Variants in KIF26B observed in about 807,000 individuals in gnomAD.
The protein encoded by KIF26B is kinesin family member 26B.
Under a neutral mutation model 151.2 loss-of-function variants are expected in KIF26B, and 63 were observed. The observed-to-expected ratio is 0.42, with a 90% CI of 0.34 to 0.51. The LOEUF (loss-of-function observed/expected upper bound fraction) is 0.51, where lower values mean the gene tolerates loss of function less well. Among genes scored for constraint, KIF26B ranks in the 20% least tolerant of loss-of-function variants. The pLI is 0.07. For missense variants in KIF26B, 2,813 were observed against 2,913.6 expected (o/e 0.97, Z 0.79); for synonymous variants, 1,357 against 1,262.1 (o/e 1.08, Z -1.59).
rs72762888 is a variant in KIF26B at position 245,606,114 on chromosome 1, A to T, written c.1558-1537A>T. Among the ~76,000 whole-genome samples, 1 of 151,962 alleles carries T rather than the reference A, an allele frequency of 6.6e-6. No individual in the cohort carries two copies. Among genetic ancestry groups the T allele is most frequent in the Non-Finnish European group, 1.5e-5 (1 of 68,002 alleles). On this transcript the variant is annotated intron_variant, in intron 6 of 14. Transcript: ENST00000407071. The surrounding 1 kb of genome is among the most constrained non-coding windows in gnomAD (Gnocchi z 4.6). ...GTTAGCACTGGGCTCTCCTTGCCTAAGTCCTGGGGGGTTTGAAAGATCCTG... is the reference window on the plus strand; with the variant it reads ...GTTAGCACTGGGCTCTCCTTGCCTATGTCCTGGGGGGTTTGAAAGATCCTG...
At chr1:245,307,289 C>T (rs776379998) in intron 2 of KIF26B, among the ~76,000 whole-genome samples, 8 of 152,090 alleles carry the variant, frequency 5.3e-5, no homozygotes, top group South Asian at 4.1e-4. Context: ...GGGACTAGGA[C>T]GCCAGAAGCT....
At chr1:245,175,204 C>G (rs1251821047) in intron 2 of KIF26B, among the ~76,000 whole-genome samples, 1 of 152,132 alleles carries the variant, frequency 6.6e-6, no homozygotes, top group Non-Finnish European at 1.5e-5. Flanking sequence ...AGCATAGTGA[C>G]CCAGAGGTGA....
chr1:245,323,204 A>G (rs1671921096), intron 2 of KIF26B, among the ~76,000 whole-genome samples: 1 of 152,180 alleles, frequency 6.6e-6, no homozygotes, highest in Non-Finnish European at 1.5e-5. Flanking sequence ...ATTTGTGTAG[A>G]TATGTGTGGT....
intron 2 of KIF26B, among the ~76,000 whole-genome samples, chr1:245,193,797 T>C (rs1041959341): frequency 6.6e-6 from 1 of 152,212 alleles, no homozygotes; most frequent in Non-Finnish European, 1.5e-5. Context: ...TTATGACAAC[T>C]TACTTGTTCT....
intron 2 of KIF26B, among the ~76,000 whole-genome samples, chr1:245,287,892 CT>C (rs1323887140): frequency 6.6e-6 from 1 of 151,710 alleles, no homozygotes; most frequent in Admixed American, 6.6e-5. Flanking sequence ...GTGACAACTC[CT>C]TTCCATCTTT....
intron 2 of KIF26B, among the ~76,000 whole-genome samples, chr1:245,229,899 C>T (rs1669956466): frequency 6.6e-6 from 1 of 152,150 alleles, no homozygotes; most frequent in Non-Finnish European, 1.5e-5. Flanking sequence ...CTTTGGGAGG[C>T]CGAGGTGGGC....
intron 4 of KIF26B, among the ~76,000 whole-genome samples, chr1:245,423,404 C>T (rs1291593502): frequency 2.6e-5 from 4 of 152,042 alleles, no homozygotes; most frequent in African/African-American, 4.8e-5. Flanking sequence ...AATCCATCCT[C>T]GTTTCCTCTC....
chr1:245,182,950 C>G (rs2103528432), intron 2 of KIF26B, among the ~76,000 whole-genome samples: 1 of 152,308 alleles, frequency 6.6e-6, no homozygotes, highest in East Asian at 1.9e-4. Flanking sequence ...TGAGAAACTT[C>G]CAAACTCTTT....
intron 4 of KIF26B, among the ~76,000 whole-genome samples, chr1:245,430,073 T>TA (rs1658742396): frequency 3.3e-5 from 5 of 152,344 alleles, no homozygotes; most frequent in Admixed American, 3.3e-4. Context: ...ATACTCACAG[T>TA]GGACATTAAC....
intron 2 of KIF26B, among the ~76,000 whole-genome samples, chr1:245,350,572 G>T (rs60937532): frequency 0.036 from 5,454 of 152,206 alleles, 292 homozygotes; most frequent in African/African-American, 0.12. Context: ...GGTAGACTCT[G>T]GTCTACCATA....
At chr1:245,637,572 C>T in intron 9 of KIF26B, among the ~76,000 whole-genome samples, 1 of 151,632 alleles carries the variant, frequency 6.6e-6, no homozygotes, top group South Asian at 2.1e-4. Context: ...GAGGTCTTAC[C>T]CCAAAAATAT....
intron 4 of KIF26B, among the ~76,000 whole-genome samples, chr1:245,507,862 CT>C (rs1462653645): frequency 6.6e-6 from 1 of 152,170 alleles, no homozygotes; most frequent in East Asian, 1.9e-4. Context: ...CTTGCGATGG[CT>C]TTCTCCTGTG....
intron 2 of KIF26B, among the ~76,000 whole-genome samples, chr1:245,234,765 C>G (rs1036889868): frequency 6.6e-6 from 1 of 152,200 alleles, no homozygotes; most frequent in Non-Finnish European, 1.5e-5. Flanking sequence ...TTTTGACTTG[C>G]GTGAGCTCAG....
chr1:245,338,314 A>G lies in KIF26B; in HGVS notation c.466-28520A>G, dbSNP rs558346131. Reference sequence around the variant, plus strand: ...GCCAGCCTGCTGCTTGTTTTTGTAAATAAAGTTTTATTGGAAACAACCATG... The same window carrying G: ...GCCAGCCTGCTGCTTGTTTTTGTAAGTAAAGTTTTATTGGAAACAACCATG... On this transcript the variant is annotated intron_variant, in intron 2 of 14. Coordinates refer to ENST00000407071, the MANE Select transcript of KIF26B (RefSeq NM_018012.4). Among the ~76,000 whole-genome samples the G allele has an allele frequency of 2.2e-4, 33 of 152,294 alleles. No individual in the cohort carries two copies. The Middle Eastern group carries it at 0.014, about 63-fold the overall frequency.
At chr1:245,574,293 G>A (rs1291731749) in intron 5 of KIF26B, among the ~76,000 whole-genome samples, 1 of 152,118 alleles carries the variant, frequency 6.6e-6, no homozygotes, top group Non-Finnish European at 1.5e-5. Context: ...ACAGGCATGT[G>A]CCACCATGCC....
chr1:245,390,942 A>AAAAAAAC (rs1673678375), intron 3 of KIF26B, among the ~76,000 whole-genome samples: 12 of 145,268 alleles, frequency 8.3e-5, no homozygotes, highest in African/African-American at 3.2e-4. Flanking sequence ...AAAAAAAAAA[A>AAAAAAAC]AAAAAAAAAA....
At chr1:245,503,567 G>A (rs768812261) in intron 4 of KIF26B, among the ~76,000 whole-genome samples, 1 of 152,198 alleles carries the variant, frequency 6.6e-6, no homozygotes, top group Admixed American at 6.5e-5. Context: ...CCTGTATGGA[G>A]AGAATTTCTC....
At chr1:245,553,033 G>A (rs1047597283) in intron 5 of KIF26B, among the ~76,000 whole-genome samples, 6 of 152,286 alleles carry the variant, frequency 3.9e-5, no homozygotes, top group East Asian at 3.9e-4. Flanking sequence ...AGGTGACACC[G>A]CTTTTCAGAG....
At chr1:245,542,497 A>T (rs946405) in intron 5 of KIF26B, among the ~76,000 whole-genome samples, 1 of 152,158 alleles carries the variant, frequency 6.6e-6, no homozygotes, top group Admixed American at 6.5e-5. Context: ...GGAGGCAGGG[A>T]AGTGGCCTGG....
Sources: allele counts gnomAD v4.1 joint callset (sites outside exome capture counted in the v4.1 genomes callset), GRCh38; gene constraint gnomAD v4.1.1; non-coding constraint Gnocchi (gnomAD v3.1); transcripts MANE v1.5; gene names NCBI Gene and HGNC (gene_info 2026-07-23, HGNC 2026-07-21).